The following RIMS1 variants were observed in gnomAD, a reference collection of about 807,000 sequenced individuals.
RIMS1 encodes the protein regulating synaptic membrane exocytosis 1, also known as regulating synaptic membrane exocytosis protein 1.
In RIMS1, 83 loss-of-function variants were observed where a neutral mutation model predicts 214.1. The ratio of observed to expected loss-of-function variants is 0.39; its 90% CI spans 0.32 to 0.47. RIMS1 has a LOEUF of 0.47. Ranked by LOEUF, RIMS1 falls within the 20% of genes least tolerant of loss-of-function variation. The pLI is 0.99. For missense variants in RIMS1, 2,050 were observed against 2,161.8 expected (o/e 0.95, Z 1.03); for synonymous variants, 793 against 786.8 (o/e 1.01, Z -0.13).
At chr6:71,933,501 A>C (rs1783655107) in intron 1 of RIMS1, among the ~76,000 whole-genome samples, 1 of 152,108 alleles carries the variant, frequency 6.6e-6, no homozygotes, top group Non-Finnish European at 1.5e-5. Flanking sequence ...AGAAATATGC[A>C]TCTATGTATT....
intron 28 of RIMS1, among the ~76,000 whole-genome samples, chr6:72,332,285 A>G (rs549393593): frequency 1.3e-5 from 2 of 151,976 alleles, no homozygotes; most frequent in South Asian, 4.1e-4. Flanking sequence ...TTGAGGAAAC[A>G]TAAAATTAAG....
chr6:72,046,793 T>C (rs1057055322), intron 2 of RIMS1, among the ~76,000 whole-genome samples: 1 of 152,172 alleles, frequency 6.6e-6, no homozygotes, highest in Non-Finnish European at 1.5e-5. Context: ...ATAAAATAGA[T>C]GTCTGCGACT....
In RIMS1 at chr6:72,252,546, A is replaced by G. The variant is rs116818374; in HGVS notation, c.2699-215A>G. 2.2e-3 allele frequency among the ~76,000 whole-genome samples: 336 copies of G among 152,280 alleles called. 1 individual carries two copies. The highest frequency in any genetic ancestry group is 7.7e-3 in the African/African-American group (322 of 41,574). On this transcript the variant is annotated intron_variant, in intron 15 of 33. Transcript: ENST00000521978. ...TATTCTGTGAAGTCCCCTTGTTTCT[A>G]TATGTCTTTGGTGTAATGAGGAAAA...
At chr6:72,220,520 G>C (rs925895510) in intron 6 of RIMS1, among the ~76,000 whole-genome samples, 5 of 151,878 alleles carry the variant, frequency 3.3e-5, no homozygotes, top group African/African-American at 1.2e-4. Context: ...CTACACAAAG[G>C]TACACCACTT....
intron 1 of RIMS1, among the ~76,000 whole-genome samples, chr6:71,945,698 A>G (rs924914748): frequency 6.6e-6 from 1 of 152,104 alleles, no homozygotes; most frequent in Non-Finnish European, 1.5e-5. Context: ...AAGAAAAGGT[A>G]TCCAAATTGG....
intron 4 of RIMS1, among the ~76,000 whole-genome samples, chr6:72,150,897 C>T (rs940026539): frequency 1.2e-4 from 19 of 152,038 alleles, no homozygotes; most frequent in African/African-American, 4.3e-4. Context: ...GCTTTTTAAC[C>T]TTGAGGAATG....
chr6:72,335,560 T>A (rs1297944107), intron 29 of RIMS1, among the ~76,000 whole-genome samples: 1 of 152,020 alleles, frequency 6.6e-6, no homozygotes, highest in Non-Finnish European at 1.5e-5. Flanking sequence ...TATAGTAGAA[T>A]GATTTATAAT....
chr6:72,264,336 T>C (rs933417417), intron 19 of RIMS1, among the ~76,000 whole-genome samples: 8 of 152,202 alleles, frequency 5.3e-5, no homozygotes, highest in African/African-American at 9.6e-5. Flanking sequence ...TTTCTGCCAA[T>C]TCAAAATCCA....
At chr6:72,273,240 A>G (rs191740761) in intron 22 of RIMS1, among the ~76,000 whole-genome samples, 63 of 152,216 alleles carry the variant, frequency 4.1e-4, no homozygotes, top group Admixed American at 3.9e-3. Context: ...TCAGTAAACC[A>G]AGTTATATCT....
chr6:72,193,201 T>C (rs913536004), intron 6 of RIMS1, among the ~76,000 whole-genome samples: 7 of 152,240 alleles, frequency 4.6e-5, no homozygotes, highest in African/African-American at 9.6e-5. Context: ...GAAGAACTTA[T>C]TGCCTCACCA....
At chr6:71,897,057 T>C (rs902515376) in intron 1 of RIMS1, among the ~76,000 whole-genome samples, 1 of 152,226 alleles carries the variant, frequency 6.6e-6, no homozygotes, top group African/African-American at 2.4e-5. Context: ...ATTTCTTGAC[T>C]TTCTGCCTAA....
chr6:71,993,104 T>C (rs377610844), intron 2 of RIMS1, among the ~76,000 whole-genome samples: 80 of 152,308 alleles, frequency 5.3e-4, no homozygotes, highest in African/African-American at 1.9e-3. Context: ...TTTAATAAAA[T>C]CAGTTGAGAT....
At chr6:72,399,474 A>G (rs551448537) in intron 33 of RIMS1, among the ~76,000 whole-genome samples, 2 of 152,178 alleles carry the variant, frequency 1.3e-5, no homozygotes, top group Admixed American at 6.6e-5. Context: ...CAAACAAAAC[A>G]ATGTTAATAA....
chr6:72,317,178 T>C, intron 28 of RIMS1: 1 of 329,158 alleles, frequency 3.0e-6, no homozygotes, highest in Non-Finnish European at 5.9e-6. Flanking sequence ...CAGAGTCCCC[T>C]AGCAGGGACT....
chr6:72,364,419 G>A (rs542757830), intron 29 of RIMS1, among the ~76,000 whole-genome samples: 16 of 152,256 alleles, frequency 1.1e-4, no homozygotes, highest in East Asian at 5.8e-4. Context: ...TGCAGTCCCC[G>A]CATGCTACCT....
chr6:72,252,652 A>G, intron 15 of RIMS1, 109 bp from the exon 16 acceptor site: 2 of 818,482 alleles, frequency 2.4e-6, no homozygotes, highest in South Asian at 2.9e-5. Flanking sequence ...AGTCTTCATA[A>G]GTTTTCAGTA....
chr6:72,375,645 A>G (rs904702672), intron 29 of RIMS1, among the ~76,000 whole-genome samples: 1 of 152,110 alleles, frequency 6.6e-6, no homozygotes, highest in African/African-American at 2.4e-5. Context: ...TCACAGTTGA[A>G]TTTGCTTTTT....
At chr6:72,364,862 T>C (rs1229795682) in intron 29 of RIMS1, among the ~76,000 whole-genome samples, 1 of 152,236 alleles carries the variant, frequency 6.6e-6, no homozygotes, top group Non-Finnish European at 1.5e-5. Context: ...TCCTTGGCTA[T>C]GGGACTGCTT....
At chr6:72,274,718 A>G (rs2085271799) in intron 23 of RIMS1, among the ~76,000 whole-genome samples, 1 of 152,130 alleles carries the variant, frequency 6.6e-6, no homozygotes, top group African/African-American at 2.4e-5. Context: ...ACAAATTTAA[A>G]TACTGTTTTT....
Sources: allele counts gnomAD v4.1 joint callset (sites outside exome capture counted in the v4.1 genomes callset), GRCh38; gene constraint gnomAD v4.1.1; transcripts MANE v1.5; gene names NCBI Gene and HGNC (gene_info 2026-07-23, HGNC 2026-07-21).